The following CLCN6 variants were observed in gnomAD, a reference collection of about 807,000 sequenced individuals.
The protein encoded by CLCN6 is Cl-/H+ antiporter 6.
Under a neutral mutation model 109.8 loss-of-function variants are expected in CLCN6, and 70 were observed. The ratio of observed to expected loss-of-function variants is 0.64; its 90% CI spans 0.53 to 0.78. The LOEUF is 0.78. Ranked by LOEUF, CLCN6 falls within the 30% of genes least tolerant of loss-of-function variation. The pLI is 0.00. For missense variants in CLCN6, 984 were observed against 1,142.3 expected, an observed-to-expected ratio of 0.86 and a Z score of 2.00; for synonymous variants, 444 against 447.8, an observed-to-expected ratio of 0.99 and a Z score of 0.11.
chr1:11,808,399 T>C (rs1013946009), intron 2 of CLCN6, among the ~76,000 whole-genome samples: 7 of 152,090 alleles, frequency 4.6e-5, no homozygotes, highest in Non-Finnish European at 8.8e-5. Flanking sequence ...TGGCCGCCCT[T>C]CCCATGTTAT....
At chr1:11,807,023 A>G in intron 1 of CLCN6, 108 bp from the exon 2 acceptor site, 1 of 990,678 alleles carries the variant, frequency 1.0e-6, no homozygotes, top group Non-Finnish European at 1.6e-6. Flanking sequence ...CCTATTTGAT[A>G]ATGGCTCCAG....
In CLCN6 at chr1:11,833,965, C is replaced by A. The variant is rs1002019817; in HGVS notation, c.1461C>A (p.Gly487=). ...CTTACGGCATTTCTGTTCCAAGTGG[C>A]CTTTTTGTGCCTTCTCTGCTGTGTG... The part of the protein sequence containing the change: ...CWTYGISVPS[G]LFVPSLLCGA... The change falls in exon 15 of 23, where the codon GGC becomes GGA. Residue 487 remains glycine, a synonymous_variant. Coordinates refer to ENST00000346436, the MANE Select transcript of CLCN6 (RefSeq NM_001286.5). 4.3e-6 allele frequency: 7 copies of A among 1,613,658 alleles called. No individual in the cohort carries two copies. The highest frequency in any genetic ancestry group is 2.7e-5 in the African/African-American group (2 of 74,892).
At chr1:11,808,211 G>T (rs1181918859) in intron 2 of CLCN6, among the ~76,000 whole-genome samples, 2 of 138,982 alleles carry the variant, frequency 1.4e-5, no homozygotes, top group East Asian at 4.1e-4. Context: ...ATTTTTTATT[G>T]TATGTGTGTG....
chr1:11,838,734 C>A, intron 22 of CLCN6, 74 bp downstream of exon 22: 1 of 1,605,272 alleles, frequency 6.2e-7, no homozygotes, highest in Non-Finnish European at 8.5e-7. Flanking sequence ...TGCACCCAGG[C>A]TTCTCACCAG....
At position 11,827,244 on chromosome 1, in the gene CLCN6, G is replaced by A. The variant is rs780719369; in HGVS notation, c.840+23G>A. The A allele has an allele frequency of 1.3e-5, 21 of 1,600,228 alleles. 1 individual carries two copies. In the South Asian group the frequency reaches 2.2e-4, roughly 17 times the overall value. On this transcript the variant is annotated intron_variant, in intron 10 of 22. Coordinates refer to ENST00000346436, the MANE Select transcript of CLCN6 (RefSeq NM_001286.5). ...GTGGTGAGGAGGACCTTCAGTGAAA[G>A]CATTAACCACACCCCCCGAATTACA...
In CLCN6 at chr1:11,828,539, C is replaced by T. The variant is rs1339079212; in HGVS notation, c.1036C>T (p.Leu346Phe). 4 of 1,614,126 alleles carry T rather than the reference C, an allele frequency of 2.5e-6. No homozygotes were observed. Among genetic ancestry groups the T allele is most frequent in the African/African-American group, 1.3e-5 (1 of 75,028 alleles). ...FFVVMGVIGG[L>F]LGATFNCLNK... ...CGTCGTGATGGGGGTCATTGGGGGCCTCCTGGGAGCCACATTCAACTGTCT... is the reference window on the plus strand; with the variant it reads ...CGTCGTGATGGGGGTCATTGGGGGCTTCCTGGGAGCCACATTCAACTGTCT... Residue 346 changes from leucine (L) to phenylalanine (F), a missense_variant, in exon 12 of 23, where the codon CTC (leucine) becomes TTC (phenylalanine). Coordinates refer to ENST00000346436, the MANE Select transcript of CLCN6 (RefSeq NM_001286.5).
At chr1:11,837,575 G>T in intron 20 of CLCN6, 76 bp downstream of exon 20, 1 of 1,445,452 alleles carries the variant, frequency 6.9e-7, no homozygotes, top group Non-Finnish European at 9.5e-7. Flanking sequence ...CCGGCGGGCC[G>T]TGAACAGTGC....
rs1164801734 is a variant in CLCN6, at chr1:11,828,484, T to G, written c.981T>G (p.His327Gln). Reference protein sequence around the residue: ...FKCSDSDKKCHLWTAMDLGFF... With the variant: ...FKCSDSDKKCQLWTAMDLGFF... ...GCTCTGACTCTGATAAAAAATGTCA[T>G]CTCTGGACAGCTATGGATTTGGGTT... The change falls in exon 12 of 23, where the codon CAT becomes CAG. Residue 327 changes from histidine (H) to glutamine (Q), a missense_variant. His to Gln is a conservative substitution (Grantham distance 24). Transcript: ENST00000346436. 6.2e-7 allele frequency: 1 copy of G among 1,614,044 alleles called. No individual in the cohort carries two copies. The highest frequency in any genetic ancestry group is 1.3e-5 in the African/African-American group (1 of 74,902).
At chr1:11,826,340 C>G in intron 9 of CLCN6, 126 bp downstream of exon 9, 1 of 757,044 alleles carries the variant, frequency 1.3e-6, no homozygotes. Context: ...GAGAAGGGGG[C>G]GGGCTTTGAA....
rs199676414 is a variant in CLCN6 at position 11,823,758 on chromosome 1, G to C, written c.505G>C (p.Val169Leu). ...CGAGGTCAAATGCTATCTGAATGGC[G>C]TAAAGGTGCCAGGAATCGTCCGTCT... is the stretch of plus-strand genomic sequence containing the variant. ...IPEVKCYLNGVKVPGIVRLRT... is the reference protein window; with the variant it reads ...IPEVKCYLNGLKVPGIVRLRT... Residue 169 changes from valine (V) to leucine (L), a missense_variant, in exon 7 of 23, where the codon GTA (valine) becomes CTA (leucine). Coordinates refer to ENST00000346436, the MANE Select transcript of CLCN6 (RefSeq NM_001286.5). 2.5e-6 allele frequency: 4 copies of C among 1,614,168 alleles called. No homozygotes were observed. The highest frequency in any genetic ancestry group is 3.3e-5 in the Admixed American group (2 of 60,016).
intron 2 of CLCN6, among the ~76,000 whole-genome samples, chr1:11,813,143 C>A (rs922070214): frequency 6.6e-6 from 1 of 152,156 alleles, no homozygotes; most frequent in African/African-American, 2.4e-5. Flanking sequence ...ACCTCGCTGG[C>A]ATTATTGGGT....
chr1:11,826,433 C>T (rs1205435238), intron 9 of CLCN6, among the ~76,000 whole-genome samples: 1 of 152,222 alleles, frequency 6.6e-6, no homozygotes, highest in African/African-American at 2.4e-5. Flanking sequence ...CTAGAAGCAT[C>T]TCAGGCAAAT....
In CLCN6 at chr1:11,840,506, A is replaced by G; in HGVS notation, c.*283A>G. 1.9e-6 allele frequency: 1 copy of G among 515,888 alleles called. No homozygotes were observed. Among genetic ancestry groups the G allele is most frequent in the South Asian group, 2.2e-5 (1 of 46,474 alleles). The allele number at this position is 515,888 out of a possible 1,614,324, so 32.0% of individuals were successfully genotyped here. ...GCACAGGCCCACCCCTGGCTCCACC[A>G]GAGCCAGAAGCAGAGGTAGAATCAG... On this transcript the variant is annotated 3_prime_UTR_variant, in exon 23 of 23. Coordinates refer to ENST00000346436, the MANE Select transcript of CLCN6 (RefSeq NM_001286.5).
At chr1:11,819,719 T>C (rs1304106753) in intron 5 of CLCN6, among the ~76,000 whole-genome samples, 165 bp downstream of exon 5, 1 of 152,234 alleles carries the variant, frequency 6.6e-6, no homozygotes, top group East Asian at 1.9e-4. Flanking sequence ...AGAAGGACTT[T>C]AATAAGCAAA....
chr1:11,834,628 T>C lies in CLCN6; in HGVS notation c.1793+38T>C, dbSNP rs117053070. The C allele has an allele frequency of 1.4e-3, 2,223 of 1,534,178 alleles. 49 individuals are homozygous for C. The East Asian group carries it at 0.042, about 29-fold the overall frequency. On this transcript the variant is annotated intron_variant, in intron 17 of 22. Transcript: ENST00000346436. The surrounding 1 kb of genome is among the most constrained non-coding windows in gnomAD (Gnocchi z 4.5). ...TTTTGCTCATGTCCTAGTTTCAGAA[T>C]GTATAAGCTCTGAGGCCTAAGGAAT...
Position 11,815,964 on chromosome 1 carries a change from T to A in CLCN6, c.213+53T>A, listed in dbSNP as rs192668590. ...GGATCAAATCAGTCTTAACATGGCA[T>A]TTTTTTTCTCTTCTAAAGGCCCCAG... On this transcript the variant is annotated intron_variant, in intron 3 of 22. Coordinates refer to ENST00000346436, the MANE Select transcript of CLCN6 (RefSeq NM_001286.5). 1,594 of 1,365,704 alleles carry A rather than the reference T, an allele frequency of 1.2e-3. 25 individuals are homozygous for A. The African/African-American group carries it at 0.025, about 21-fold the overall frequency. The allele number at this position is 1,365,704 out of a possible 1,614,324, so 84.6% of individuals were successfully genotyped here. A position where few individuals can be genotyped will look rare whatever the true frequency, so the allele number is the denominator to read the frequency against.
chr1:11,830,670 T>A (rs1052152823), intron 13 of CLCN6, among the ~76,000 whole-genome samples: 1 of 150,130 alleles, frequency 6.7e-6, no homozygotes, highest in Non-Finnish European at 1.5e-5. Flanking sequence ...CTTGAATCTC[T>A]CAGATCCCCA....
chr1:11,840,365 C>T lies in CLCN6; in HGVS notation c.*142C>T, dbSNP rs1479704022. ...CAGAAAGCCGGGAGTCATCGGACAC[C>T]TTGCTGGTCAGAGGTCCTGGGGGTG... On this transcript the variant is annotated 3_prime_UTR_variant, in exon 23 of 23. Coordinates refer to ENST00000346436, the MANE Select transcript of CLCN6 (RefSeq NM_001286.5). 9 of 759,998 alleles carry T rather than the reference C, an allele frequency of 1.2e-5. 1 individual carries two copies. The highest frequency in any genetic ancestry group is 8.9e-5 in the South Asian group (6 of 67,168). The allele number at this position is 759,998 out of a possible 1,614,324, so 47.1% of individuals were successfully genotyped here.
chr1:11,816,781 C>A, intron 4 of CLCN6, 101 bp downstream of exon 4: 1 of 735,950 alleles, frequency 1.4e-6, no homozygotes, highest in Non-Finnish European at 2.2e-6. Flanking sequence ...GTCATTATAA[C>A]ATTTATAACA....
Sources: allele counts gnomAD v4.1 joint callset (sites outside exome capture counted in the v4.1 genomes callset), GRCh38; gene constraint gnomAD v4.1.1; non-coding constraint Gnocchi (gnomAD v3.1); transcripts MANE v1.5; gene names NCBI Gene and HGNC (gene_info 2026-07-23, HGNC 2026-07-21).